The following ASIC2 variants were observed in gnomAD, a reference collection of about 807,000 sequenced individuals.
The protein encoded by ASIC2 is acid sensing ion channel subunit 2.
In ASIC2, 25 loss-of-function variants were observed where a neutral mutation model predicts 57.3. That is an observed-to-expected ratio of 0.44 (90% CI 0.32 to 0.61). The LOEUF (loss-of-function observed/expected upper bound fraction) is 0.61. Ranked by LOEUF, ASIC2 falls within the 20% of genes least tolerant of loss-of-function variation. The pLI is 0.06. For synonymous variants in ASIC2, 319 were observed against 307.5 expected (o/e 1.04, Z -0.39); for missense variants, 641 against 738.1 (o/e 0.87, Z 1.52).
intron 1 of ASIC2, among the ~76,000 whole-genome samples, chr17:33,521,946 C>G (rs980129850): frequency 2.0e-5 from 3 of 152,210 alleles, no homozygotes; most frequent in Admixed American, 1.3e-4. Context: ...GGCCCTCTGG[C>G]AACTGCGGGC....
chr17:33,436,853 C>CTTTTTTTTT lies in ASIC2; in HGVS notation c.556-324795_556-324787dup, dbSNP rs71144877. Among the ~76,000 whole-genome samples, 166 of 66,590 alleles carry CTTTTTTTTT rather than the reference C, an allele frequency of 2.5e-3. 4 individuals carry two copies. Among genetic ancestry groups the CTTTTTTTTT allele is most frequent in the East Asian group, 3.2e-3 (6 of 1,878 alleles). The allele number at this position is 66,590 out of a possible 152,430, so 43.7% of individuals were successfully genotyped here. ...AATGCCTTAAAACACATTCCAACTT[C>CTTTTTTTTT]TTTTTTTTTTTTTTTTTTTTTTTTT... On this transcript the variant is annotated intron_variant, in intron 1 of 9. Transcript: ENST00000359872.
chr17:33,784,850 T>G (rs1179020080), intron 1 of ASIC2, among the ~76,000 whole-genome samples: 1 of 152,192 alleles, frequency 6.6e-6, no homozygotes, highest in Non-Finnish European at 1.5e-5. Context: ...AGTAGTGAAG[T>G]GTGCAGGACC....
intron 1 of ASIC2, among the ~76,000 whole-genome samples, chr17:33,362,237 C>T (rs1908638157): frequency 6.6e-6 from 1 of 152,206 alleles, no homozygotes; most frequent in Admixed American, 6.5e-5. Flanking sequence ...TTAAAATGTA[C>T]TTGTCCCCAT....
chr17:33,974,056 T>G (rs925110799), intron 1 of ASIC2, among the ~76,000 whole-genome samples: 23 of 152,230 alleles, frequency 1.5e-4, no homozygotes, highest in African/African-American at 5.5e-4. Flanking sequence ...ATTCACTCAG[T>G]CTTCTTCCCG....
chr17:33,524,442 G>A (rs1914829587), intron 1 of ASIC2, among the ~76,000 whole-genome samples: 1 of 152,196 alleles, frequency 6.6e-6, no homozygotes, highest in Admixed American at 6.5e-5. Flanking sequence ...GAGAGAATGA[G>A]TTCTCCCCAT....
intron 1 of ASIC2, among the ~76,000 whole-genome samples, chr17:33,467,856 G>A (rs1182450863): frequency 5.3e-5 from 8 of 152,122 alleles, no homozygotes; most frequent in Admixed American, 1.3e-4. Context: ...ACCAAGTTGC[G>A]GCCTGACCAC....
intron 1 of ASIC2, among the ~76,000 whole-genome samples, chr17:33,758,706 C>T (rs1387146789): frequency 1.3e-5 from 2 of 152,098 alleles, no homozygotes; most frequent in African/African-American, 2.4e-5. Context: ...TGAGCTAGAA[C>T]ATTAGCATGC....
At chr17:33,682,150 C>G (rs1444099950) in intron 1 of ASIC2, among the ~76,000 whole-genome samples, 5 of 151,740 alleles carry the variant, frequency 3.3e-5, no homozygotes, top group South Asian at 4.2e-4. Flanking sequence ...AGCTCCGCCT[C>G]CCGAGTTCAC....
rs371019759 is a variant in ASIC2 at position 33,290,220 on chromosome 17, T to G, written c.708+1188A>C. On this transcript the variant is annotated intron_variant, in intron 1 of 9. Transcript: ENST00000225823. ...TAATCCAATCAGCCAATGAGAGACC[T>G]GGTCTGACCGGCATCATGCCAACAC... Among the ~76,000 whole-genome samples, 18 of 152,364 alleles carry G rather than the reference T, an allele frequency of 1.2e-4. No individual in the cohort carries two copies. The South Asian group carries it at 3.7e-3, about 32-fold the overall frequency.
intron 1 of ASIC2, chr17:34,002,148 A>G (rs1009082432): frequency 6.6e-6 from 1 of 152,220 alleles, no homozygotes; most frequent in Non-Finnish European, 1.5e-5. Flanking sequence ...ATCAACTTCA[A>G]ACCCATCCTT....
chr17:33,043,021 G>A (rs1212180378), intron 3 of ASIC2, among the ~76,000 whole-genome samples: 1 of 150,788 alleles, frequency 6.6e-6, no homozygotes, highest in Non-Finnish European at 1.5e-5. Context: ...CCGCCTCCCA[G>A]GTTCATGCCA....
intron 1 of ASIC2, among the ~76,000 whole-genome samples, chr17:33,879,317 T>G (rs441247): frequency 0.27 from 41,509 of 152,074 alleles, 5,873 homozygotes; most frequent in Middle Eastern, 0.36. Context: ...ACTGGCAAAT[T>G]GGATAAAAAG....
intron 1 of ASIC2, among the ~76,000 whole-genome samples, chr17:33,520,043 C>T (rs1914693759): frequency 6.6e-6 from 1 of 152,190 alleles, no homozygotes; most frequent in South Asian, 2.1e-4. Context: ...TTAATTATTG[C>T]CATTCCTTGC....
chr17:33,543,930 T>G (rs780851234), intron 1 of ASIC2, among the ~76,000 whole-genome samples: 2 of 152,214 alleles, frequency 1.3e-5, no homozygotes, highest in Admixed American at 6.5e-5. Flanking sequence ...GAGAGTACAG[T>G]ACATTTTGAG....
chr17:33,413,087 G>A (rs972293298), intron 1 of ASIC2, among the ~76,000 whole-genome samples: 14 of 152,140 alleles, frequency 9.2e-5, no homozygotes, highest in African/African-American at 3.4e-4. Context: ...CCAGAGATGG[G>A]GGCATAGGGG....
intron 1 of ASIC2, among the ~76,000 whole-genome samples, chr17:34,126,235 G>A (rs1024770680): frequency 6.6e-6 from 1 of 152,194 alleles, no homozygotes; most frequent in Non-Finnish European, 1.5e-5. Flanking sequence ...GGATTGTGAT[G>A]TAAGCAGAAA....
intron 1 of ASIC2, among the ~76,000 whole-genome samples, chr17:33,879,418 C>G (rs986995468): frequency 6.6e-6 from 1 of 152,132 alleles, no homozygotes; most frequent in Admixed American, 6.5e-5. Context: ...GGAAGATCTT[C>G]CAAACAAATG....
chr17:33,139,466 G>A (rs1056291431), intron 1 of ASIC2, among the ~76,000 whole-genome samples: 4 of 152,142 alleles, frequency 2.6e-5, no homozygotes, highest in African/African-American at 9.7e-5. Context: ...CCAATAATTG[G>A]TGACTGTTGT....
chr17:33,028,560 C>G (rs1367246761), intron 3 of ASIC2, among the ~76,000 whole-genome samples, 168 bp from the exon 4 acceptor site: 3 of 152,068 alleles, frequency 2.0e-5, no homozygotes, highest in Non-Finnish European at 4.4e-5. Context: ...TTAATTTTTT[C>G]TTTTTTCTTA....
Sources: allele counts gnomAD v4.1 joint callset (sites outside exome capture counted in the v4.1 genomes callset), GRCh38; gene constraint gnomAD v4.1.1; transcripts MANE v1.5; gene names NCBI Gene and HGNC (gene_info 2026-07-23, HGNC 2026-07-21).